Variants in GABRA2 observed in about 807,000 individuals in gnomAD.
GABRA2 encodes gamma-aminobutyric acid receptor subunit alpha-2.
GABRA2 carries 16 observed loss-of-function variants against 48.7 expected under a neutral mutation model. The ratio of observed to expected loss-of-function variants is 0.33; its 90% CI spans 0.22 to 0.50. The LOEUF (loss-of-function observed/expected upper bound fraction) is 0.50, where lower values mean the gene tolerates loss of function less well. GABRA2 is among the 20% of genes least tolerant of loss of function. The pLI, the probability that GABRA2 is intolerant of heterozygous loss-of-function variation, is 0.98. For missense variants in GABRA2, 275 were observed against 535.6 expected, an observed-to-expected ratio of 0.51 and a Z score of 4.80; for synonymous variants, 185 against 184.5, an observed-to-expected ratio of 1.00 and a Z score of -0.02.
chr4:46,342,527 T>C (rs1212280433), intron 3 of GABRA2, among the ~76,000 whole-genome samples: 2 of 152,060 alleles, frequency 1.3e-5, no homozygotes, highest in Non-Finnish European at 2.9e-5. Context: ...GTTATTGCCC[T>C]CACTAACTGC....
At chr4:46,318,501 T>C (rs1326973573) in intron 4 of GABRA2, among the ~76,000 whole-genome samples, 1 of 151,688 alleles carries the variant, frequency 6.6e-6, no homozygotes, top group African/African-American at 2.4e-5. Flanking sequence ...TTCCCTTAAA[T>C]GCTTGTAAAA....
intron 4 of GABRA2, among the ~76,000 whole-genome samples, chr4:46,326,999 C>T (rs755205663): frequency 6.6e-6 from 1 of 151,966 alleles, no homozygotes; most frequent in African/African-American, 2.4e-5. Context: ...TTCTACCCCA[C>T]AGAGAACTTT....
chr4:46,252,982 A>G (rs117620757), intron 9 of GABRA2, among the ~76,000 whole-genome samples: 2,265 of 151,534 alleles, frequency 0.015, 155 homozygotes, highest in East Asian at 0.11. Flanking sequence ...CATAACTATT[A>G]CAAGCCAGAC....
rs1236164159 is a variant in GABRA2, at chr4:46,270,635, C to T, written c.857-8507G>A. Among the ~76,000 whole-genome samples, 3 of 151,896 alleles carry T rather than the reference C, an allele frequency of 2.0e-5. No individual in the cohort carries two copies. The South Asian group carries it at 6.2e-4, about 32-fold the overall frequency. On this transcript the variant is annotated intron_variant, in intron 8 of 9. Transcript: ENST00000381620. ...TTAAAGTGTTTTTAGCACTAAAATT[C>T]TCTATAACATGTGAAATATATGTGA...
At chr4:46,274,782 A>T (rs2109425213) in intron 8 of GABRA2, among the ~76,000 whole-genome samples, 1 of 152,238 alleles carries the variant, frequency 6.6e-6, no homozygotes, top group Non-Finnish European at 1.5e-5. Flanking sequence ...TCCAAAGATT[A>T]AATGATGTAT....
chr4:46,285,618 G>A (rs1473758544), intron 8 of GABRA2, among the ~76,000 whole-genome samples: 2 of 151,924 alleles, frequency 1.3e-5, no homozygotes, highest in East Asian at 3.9e-4. Context: ...TATTTTATTA[G>A]AGATTTGTCA....
intron 8 of GABRA2, among the ~76,000 whole-genome samples, chr4:46,274,017 G>T (rs978677300): frequency 6.6e-6 from 1 of 152,034 alleles, no homozygotes; most frequent in African/African-American, 2.4e-5. Context: ...TAAGCGGGGG[G>T]GCAGAAGAAT....
intron 1 of GABRA2, chr4:46,389,431 CG>C: frequency 1.0e-6 from 1 of 982,718 alleles, no homozygotes; most frequent in Non-Finnish European, 1.2e-6. Flanking sequence ...CGTGAGGCTC[CG>C]GCAGCAAACA....
chr4:46,272,916 T>C (rs939985135), intron 8 of GABRA2, among the ~76,000 whole-genome samples: 6 of 152,014 alleles, frequency 3.9e-5, no homozygotes, highest in African/African-American at 1.4e-4. Flanking sequence ...TTTATTATAA[T>C]GTAAGTTCTG....
chr4:46,313,579 C>T (rs1728045113), intron 4 of GABRA2, among the ~76,000 whole-genome samples: 1 of 147,720 alleles, frequency 6.8e-6, no homozygotes, highest in African/African-American at 2.7e-5. Flanking sequence ...CTCTCTCTCT[C>T]TCTCTCTCTC....
intron 8 of GABRA2, among the ~76,000 whole-genome samples, chr4:46,287,593 C>T (rs1037697741): frequency 1.5e-3 from 192 of 128,996 alleles, no homozygotes; most frequent in African/African-American, 5.4e-3. Context: ...ATCACATGGA[C>T]ACAGGAAGGG....
intron 3 of GABRA2, among the ~76,000 whole-genome samples, chr4:46,376,969 G>A (rs71611979): frequency 1.3e-5 from 2 of 152,122 alleles, no homozygotes; most frequent in African/African-American, 2.4e-5. Context: ...GCTCCTAACC[G>A]CAAGTGATCC....
intron 5 of GABRA2, 98 bp downstream of exon 5, chr4:46,312,398 C>A: frequency 1.3e-6 from 1 of 753,132 alleles, no homozygotes; most frequent in Non-Finnish European, 2.2e-6. Flanking sequence ...TTAGAAAACA[C>A]TCAACTTTGT....
rs76863550 is a variant in GABRA2 at position 46,342,694 on chromosome 4, C to G, written c.188-10012G>C. On this transcript the variant is annotated intron_variant, in intron 3 of 9. Transcript: ENST00000381620. ...AAAAGGTCTTACTCTGGTGCGTAGGCTGGAGTGAAGTCATATGATCACAAC... is the reference window on the plus strand; with the variant it reads ...AAAAGGTCTTACTCTGGTGCGTAGGGTGGAGTGAAGTCATATGATCACAAC... Among the ~76,000 whole-genome samples the G allele has an allele frequency of 3.4e-3, 513 of 152,176 alleles. 3 individuals carry two copies. Among genetic ancestry groups the G allele is most frequent in the Non-Finnish European group, 5.5e-3 (373 of 67,978 alleles).
intron 4 of GABRA2, among the ~76,000 whole-genome samples, chr4:46,332,347 A>G (rs1428130579): frequency 3.3e-5 from 5 of 152,122 alleles, no homozygotes; most frequent in African/African-American, 1.2e-4. Flanking sequence ...TCTTAATACA[A>G]TTAATTTTAT....
At chr4:46,370,792 T>C in intron 3 of GABRA2, among the ~76,000 whole-genome samples, 1 of 152,114 alleles carries the variant, frequency 6.6e-6, no homozygotes, top group South Asian at 2.1e-4. Flanking sequence ...TGCTAGCTTG[T>C]ATTCAACTCT....
chr4:46,271,929 C>T (rs998426693), intron 8 of GABRA2, among the ~76,000 whole-genome samples: 6 of 151,718 alleles, frequency 4.0e-5, no homozygotes, highest in African/African-American at 1.2e-4. Context: ...GCTGTTTACT[C>T]TACCTGGAGT....
chr4:46,387,204 T>C (rs560141210), intron 2 of GABRA2, among the ~76,000 whole-genome samples: 3 of 152,248 alleles, frequency 2.0e-5, no homozygotes, highest in Non-Finnish European at 2.9e-5. Flanking sequence ...TGGTCAAATA[T>C]AGAACAGAAA....
rs1713423497 is a variant in GABRA2 at position 46,244,874 on chromosome 4, G to T, written c.*5434C>A. On this transcript the variant is annotated 3_prime_UTR_variant, in exon 10 of 10. Coordinates refer to ENST00000381620, the MANE Select transcript of GABRA2 (RefSeq NM_000807.4). ...CGGGTATTGCTTACTGTACAGTACA[G>T]TTTTATTGTTGAGTGTTTGCTTTTT... Among the ~76,000 whole-genome samples the T allele has an allele frequency of 6.6e-6, 1 of 151,284 alleles. No individual in the cohort carries two copies. Among genetic ancestry groups the T allele is most frequent in the Admixed American group, 6.6e-5 (1 of 15,128 alleles).
Sources: allele counts gnomAD v4.1 joint callset (sites outside exome capture counted in the v4.1 genomes callset), GRCh38; gene constraint gnomAD v4.1.1; transcripts MANE v1.5; gene names NCBI Gene and HGNC (gene_info 2026-07-23, HGNC 2026-07-21).